The following GRID1 variants were observed in gnomAD, a reference collection of about 807,000 sequenced individuals.
GRID1 encodes glutamate receptor ionotropic, delta-1.
In GRID1, 28 loss-of-function variants were observed where a neutral mutation model predicts 98.0. The ratio of observed to expected loss-of-function variants is 0.29; its 90% CI spans 0.21 to 0.39. The LOEUF (loss-of-function observed/expected upper bound fraction) is 0.39, where lower values mean the gene tolerates loss of function less well. Ranked by LOEUF, GRID1 falls within the 10% of genes least tolerant of loss-of-function variation. The pLI, the probability that GRID1 is intolerant of heterozygous loss-of-function variation, is 1.00. For missense variants in GRID1, 1,111 were observed against 1,340.5 expected, an observed-to-expected ratio of 0.83 and a Z score of 2.67; for synonymous variants, 553 against 538.5, an observed-to-expected ratio of 1.03 and a Z score of -0.37.
chr10:86,343,870 G>A (rs928675619), intron 2 of GRID1, among the ~76,000 whole-genome samples: 2 of 152,256 alleles, frequency 1.3e-5, no homozygotes, highest in African/African-American at 4.8e-5. Flanking sequence ...AACTGGGGGA[G>A]AATGTCCAGA....
At chr10:86,213,735 C>T (rs1377381720) in intron 2 of GRID1, among the ~76,000 whole-genome samples, 1 of 151,898 alleles carries the variant, frequency 6.6e-6, no homozygotes, top group African/African-American at 2.4e-5. Context: ...CCCCTGGGGT[C>T]CTGACCCCCA....
chr10:85,719,927 C>T (rs1032443490), intron 12 of GRID1, among the ~76,000 whole-genome samples: 1 of 152,102 alleles, frequency 6.6e-6, no homozygotes, highest in Non-Finnish European at 1.5e-5. Context: ...CGTGAAAGAA[C>T]AAATTTCTAA....
chr10:85,796,154 C>T (rs1842524190), intron 8 of GRID1, among the ~76,000 whole-genome samples: 1 of 152,060 alleles, frequency 6.6e-6, no homozygotes, highest in Admixed American at 6.5e-5. Context: ...GAATAAAGAT[C>T]AAAGCTGGAA....
rs528465783 is a variant in GRID1 at position 85,602,516 on chromosome 10, G to T, written c.2787C>A (p.Thr929=). ...CATGGCTGCTCTGCTCTGGCAGAAA[G>T]GTGCTGACCGAGAGCTGGGTGTTCT... ...EYQNTQLSVS[T]FLPEQSSHGT... is the part of the protein sequence containing the mutation. The change falls in exon 16 of 16, where the codon ACC becomes ACA. Residue 929 remains threonine (T), a synonymous_variant. Coordinates refer to ENST00000327946, the MANE Select transcript of GRID1 (RefSeq NM_017551.3). 1.2e-6 allele frequency: 2 copies of T among 1,614,202 alleles called. No individual in the cohort carries two copies. Among genetic ancestry groups the T allele is most frequent in the South Asian group, 1.1e-5 (1 of 91,082 alleles).
At chr10:85,655,974 ATCT>A (rs1438902975) in intron 12 of GRID1, among the ~76,000 whole-genome samples, 5 of 149,986 alleles carry the variant, frequency 3.3e-5, no homozygotes, top group South Asian at 2.1e-4. Context: ...ACATACATAC[ATCT>A]TCTCTCTCTC....
At chr10:85,676,850 C>G (rs1179071006) in intron 12 of GRID1, among the ~76,000 whole-genome samples, 1 of 152,192 alleles carries the variant, frequency 6.6e-6, no homozygotes, top group South Asian at 2.1e-4. Context: ...ATTAATTTCA[C>G]TTGCTTACCA....
intron 3 of GRID1, among the ~76,000 whole-genome samples, chr10:86,157,184 A>G (rs1845258131): frequency 1.3e-5 from 2 of 152,190 alleles, no homozygotes; most frequent in African/African-American, 4.8e-5. Context: ...GTTTACTGTG[A>G]GGTATTAAAG....
At chr10:85,716,408 T>C (rs1841640008) in intron 12 of GRID1, among the ~76,000 whole-genome samples, 1 of 151,714 alleles carries the variant, frequency 6.6e-6, no homozygotes, top group Non-Finnish European at 1.5e-5. Flanking sequence ...CCGGGGACTG[T>C]TGTGGGGTGG....
intron 4 of GRID1, among the ~76,000 whole-genome samples, chr10:86,105,339 G>A (rs376179483): frequency 6.6e-6 from 1 of 152,182 alleles, no homozygotes; most frequent in Non-Finnish European, 1.5e-5. Flanking sequence ...GAGGCCCAGA[G>A]GGTGTAGCGC....
At chr10:86,145,547 T>TACACACACACACACATATACAC (rs920900306) in intron 3 of GRID1, among the ~76,000 whole-genome samples, 1 of 145,632 alleles carries the variant, frequency 6.9e-6, no homozygotes, top group African/African-American at 2.6e-5. Flanking sequence ...ATCCTCCACA[T>TACACACACACACACATATACAC]ACACACACAC....
chr10:85,836,572 G>A (rs1842913193), intron 8 of GRID1, among the ~76,000 whole-genome samples: 1 of 152,186 alleles, frequency 6.6e-6, no homozygotes, highest in Non-Finnish European at 1.5e-5. Context: ...TGAGATAGCA[G>A]GGATAGCTGA....
At chr10:86,220,188 C>T (rs1404317493) in intron 2 of GRID1, among the ~76,000 whole-genome samples, 1 of 152,228 alleles carries the variant, frequency 6.6e-6, no homozygotes. Context: ...GCTAAACACA[C>T]TCCTTCTTGG....
chr10:85,673,806 C>A (rs1446805785), intron 12 of GRID1, among the ~76,000 whole-genome samples: 7 of 152,190 alleles, frequency 4.6e-5, no homozygotes, highest in African/African-American at 7.2e-5. Flanking sequence ...TGGACTTGAA[C>A]AAATTCCTCT....
At chr10:85,693,094 A>G (rs1162026560) in intron 12 of GRID1, among the ~76,000 whole-genome samples, 3 of 152,158 alleles carry the variant, frequency 2.0e-5, no homozygotes, top group Non-Finnish European at 4.4e-5. Flanking sequence ...AAAAGAGGAG[A>G]GAAAAAGGTA....
intron 8 of GRID1, among the ~76,000 whole-genome samples, chr10:85,746,238 C>T (rs1374155702): frequency 6.6e-6 from 1 of 152,106 alleles, no homozygotes; most frequent in African/African-American, 2.4e-5. Context: ...AGATCCTAGA[C>T]TTTGGGTCAA....
intron 2 of GRID1, among the ~76,000 whole-genome samples, chr10:86,274,837 T>C (rs981203335): frequency 6.6e-6 from 1 of 151,732 alleles, no homozygotes; most frequent in East Asian, 1.9e-4. Flanking sequence ...TTTCTAGATA[T>C]ACAATCATGT....
At chr10:86,353,944 G>T (rs964911996) in intron 2 of GRID1, among the ~76,000 whole-genome samples, 14 of 152,196 alleles carry the variant, frequency 9.2e-5, no homozygotes, top group African/African-American at 2.4e-4. Context: ...CTGTTGGGAG[G>T]GGGGCTCGGC....
intron 4 of GRID1, among the ~76,000 whole-genome samples, chr10:86,055,676 G>C (rs892326771): frequency 4.6e-5 from 7 of 152,186 alleles, no homozygotes; most frequent in Non-Finnish European, 7.3e-5. Context: ...CCAGGAGGCG[G>C]AGGTTGCAGT....
intron 4 of GRID1, among the ~76,000 whole-genome samples, chr10:86,046,861 CAAAAAAA>C (rs199526669): frequency 6.5e-5 from 7 of 107,690 alleles, no homozygotes; most frequent in Admixed American, 4.8e-4. Context: ...AAGCCCATTT[CAAAAAAA>C]AAAAAAAAAA....
Sources: allele counts gnomAD v4.1 joint callset (sites outside exome capture counted in the v4.1 genomes callset), GRCh38; gene constraint gnomAD v4.1.1; transcripts MANE v1.5; gene names NCBI Gene and HGNC (gene_info 2026-07-23, HGNC 2026-07-21).